KRT83: variants seen among roughly 807,000 people sequenced by gnomAD.
KRT83 encodes keratin 83.
KRT83 carries 51 observed loss-of-function variants against 52.9 expected under a neutral mutation model. That is an observed-to-expected ratio of 0.96 (90% CI 0.77 to 1.22). The LOEUF (loss-of-function observed/expected upper bound fraction) is 1.22. Ranked by LOEUF, KRT83 falls within the 50% of genes most tolerant of loss-of-function variation. KRT83 has a pLI of 0.00. For synonymous variants in KRT83, 278 were observed against 274.1 expected, an observed-to-expected ratio of 1.01 and a Z score of -0.14; for missense variants, 654 against 666.5, an observed-to-expected ratio of 0.98 and a Z score of 0.21.
rs776078933 is a variant in KRT83, at chr12:52,316,090, C to G, written c.1065G>C (p.Val355=). 8 of 1,613,602 alleles carry G rather than the reference C, an allele frequency of 5.0e-6. No homozygotes were observed. The highest frequency in any genetic ancestry group is 1.1e-5 in the South Asian group (1 of 91,026). ...KCQNSKLEAA[V]AQSEQQGEAA... is the part of the protein sequence containing the mutation. ...CCTCACCCTGCTGCTCAGACTGGGC[C>G]ACCGCAGCTTCCAGCTTGGAGTTCT... The change falls in exon 7 of 9, where the codon GTG becomes GTC. Residue 355 remains valine (V), a synonymous_variant. Transcript: ENST00000293670.
In KRT83 at chr12:52,314,635, T is replaced by C. The variant is rs571944353; in HGVS notation, c.1478A>G (p.His493Arg). ...CGGGSCGQGR[H>R] ...CCTGGCTCTCTTTTGGGCCACTTAATGCCTCCCCTGGCCGCAGGAGCCCCC... is the reference window on the plus strand; with the variant it reads ...CCTGGCTCTCTTTTGGGCCACTTAACGCCTCCCCTGGCCGCAGGAGCCCCC... The change falls in exon 9 of 9, where the codon CAT becomes CGT. Residue 493 changes from histidine (H) to arginine (R), a missense_variant. Physicochemically the swap from His to Arg is conservative, Grantham distance 29 (BLOSUM62 0). Coordinates refer to ENST00000293670, the MANE Select transcript of KRT83 (RefSeq NM_002282.3). The C allele has an allele frequency of 3.3e-5, 51 of 1,563,860 alleles. No homozygotes were observed. The African/African-American group carries it at 6.6e-4, about 20-fold the overall frequency.
rs765684589 is a variant in KRT83, at chr12:52,317,022, T to A, written c.752A>T (p.Glu251Val). ...GATGTGGGATTGGAGAATGCGGATC[T>A]CCTGCAGGAGGTGGGGAAAGGAAGG... ...IDFLRRLYEEEIRILQSHISD... is the reference protein window; with the variant it reads ...IDFLRRLYEEVIRILQSHISD... Residue 251 changes from glutamate to valine, a missense_variant and splice_region_variant, in exon 5 of 9, where the codon GAG becomes GTG. Coordinates refer to ENST00000293670, the MANE Select transcript of KRT83 (RefSeq NM_002282.3). 3 of 1,614,066 alleles carry A rather than the reference T, an allele frequency of 1.9e-6. No individual in the cohort carries two copies. Among genetic ancestry groups the A allele is most frequent in the Admixed American group, 1.7e-5 (1 of 60,000 alleles).
rs187922868 is a variant in KRT83, at chr12:52,315,714, T to A, written c.1262+179A>T. On this transcript the variant is annotated intron_variant, in intron 7 of 8. Coordinates refer to ENST00000293670, the MANE Select transcript of KRT83 (RefSeq NM_002282.3). ...AGCAACCCTGCCCTAGAATAGGTGA[T>A]GTCCAAGAAACCAGGCAGGGTATGG... Among the ~76,000 whole-genome samples, 19 of 152,304 alleles carry A rather than the reference T, an allele frequency of 1.2e-4. No homozygotes were observed. In the East Asian group the frequency reaches 3.3e-3, roughly 26 times the overall value.
rs746315687 is a variant in KRT83, at chr12:52,321,095, G to A, written c.241C>T (p.Pro81Ser). 2 of 1,612,314 alleles carry A rather than the reference G, an allele frequency of 1.2e-6. No individual in the cohort carries two copies. Among genetic ancestry groups the A allele is most frequent in the South Asian group, 1.1e-5 (1 of 91,008 alleles). Residue 81 changes from proline to serine, a missense_variant, in exon 1 of 9, where the codon CCA becomes TCA. Coordinates refer to ENST00000293670, the MANE Select transcript of KRT83 (RefSeq NM_002282.3). ...TTGACCGACACGGTGGTGATGCATGGGGGGCTGGGTCCGCACACGCCCCCG... is the reference window on the plus strand; with the variant it reads ...TTGACCGACACGGTGGTGATGCATGAGGGGCTGGGTCCGCACACGCCCCCG... ...RSGGVCGPSP[P>S]CITTVSVNES...
At position 52,318,325 on chromosome 12, in the gene KRT83, A is replaced by G. The variant is rs111513438; in HGVS notation, c.594-355T>C. Among the ~76,000 whole-genome samples the G allele has an allele frequency of 4.8e-3, 737 of 152,004 alleles. 5 individuals are homozygous for G. The highest frequency in any genetic ancestry group is 0.016 in the African/African-American group (680 of 41,444). On this transcript the variant is annotated intron_variant, in intron 2 of 8. Transcript: ENST00000293670. The stretch of plus-strand genomic sequence containing the variant: ...CGAGTAGCTGGGACTACAGGTGCCC[A>G]CCACCACGCCTGGCTAATTCACTCC...
intron 2 of KRT83, among the ~76,000 whole-genome samples, chr12:52,318,628 C>G (rs1592447938): frequency 6.6e-6 from 1 of 152,150 alleles, no homozygotes; most frequent in South Asian, 2.1e-4. Context: ...CTGGCCACCC[C>G]TCAAAAGCAG....
chr12:52,317,754 C>A lies in KRT83; in HGVS notation c.677G>T (p.Arg226Leu), dbSNP rs373044241. The change falls in exon 4 of 9, where the codon CGC becomes CTC. Residue 226 changes from arginine (R) to leucine (L), a missense_variant. Coordinates refer to ENST00000293670, the MANE Select transcript of KRT83 (RefSeq NM_002282.3). ...LKKDVDCAYLRKSDLEANVEA... is the reference protein window; with the variant it reads ...LKKDVDCAYLLKSDLEANVEA... The stretch of plus-strand genomic sequence containing the variant: ...CACGTTGGCCTCCAGGTCTGACTTG[C>A]GGAGGTAGGCGCAGTCCACATCCTG... The A allele has an allele frequency of 6.2e-7, 1 of 1,613,600 alleles. No homozygotes were observed. The highest frequency in any genetic ancestry group is 1.3e-5 in the African/African-American group (1 of 74,878).
At position 52,314,766 on chromosome 12, in the gene KRT83, G is replaced by A; in HGVS notation, c.1347C>T (p.Gly449=). 1.2e-6 allele frequency: 2 copies of A among 1,604,536 alleles called. No individual in the cohort carries two copies. The highest frequency in any genetic ancestry group is 1.7e-6 in the Non-Finnish European group (2 of 1,176,338). The change falls in exon 9 of 9, where the codon GGC becomes GGT. Residue 449 remains glycine, a synonymous_variant. Transcript: ENST00000293670. ...GVVCGDLCVS[G]SRPVTGSVCS... ...AGACGCTGCCCGTCACCGGCCGGGA[G>A]CCCGACACGCAGAGATCCCCGCACA...
Position 52,319,302 on chromosome 12 carries a change from G to C in KRT83, c.447C>G (p.Arg149=). The change falls in exon 2 of 9, where the codon CGC becomes CGG. Residue 149 remains arginine (R), a synonymous_variant. Transcript: ENST00000293670. The part of the protein sequence containing the change: ...LETKLQFYQN[R]ECCQSNLEPL... ...GCTCCAGGTTACTCTGGCAGCACTC[G>C]CGGTTTTGGTAGAACTGCAGCTTTG... The C allele has an allele frequency of 6.2e-7, 1 of 1,614,010 alleles. No homozygotes were observed. Among genetic ancestry groups the C allele is most frequent in the Non-Finnish European group, 8.5e-7 (1 of 1,179,864 alleles).
chr12:52,316,353 T>C, intron 6 of KRT83, 115 bp downstream of exon 6: 1 of 1,467,316 alleles, frequency 6.8e-7, no homozygotes, highest in Non-Finnish European at 9.5e-7. Context: ...CTCATCTTAC[T>C]CTGTCACCCA....
At position 52,319,149 on chromosome 12, in the gene KRT83, C is replaced by T. The variant is rs1938732720; in HGVS notation, c.593+7G>A. 1 of 1,613,042 alleles carries T rather than the reference C, an allele frequency of 6.2e-7. No individual in the cohort carries two copies. Among genetic ancestry groups the T allele is most frequent in the Non-Finnish European group, 8.5e-7 (1 of 1,179,850 alleles). ...CTGTGCCCAGAACCCCTCCTGCCCA[C>T]ACTCACTTCTTCTTGTAGCCCTCCA... On this transcript the variant is annotated splice_region_variant and intron_variant, in intron 2 of 8. Coordinates refer to ENST00000293670, the MANE Select transcript of KRT83 (RefSeq NM_002282.3).
chr12:52,316,245 C>G (rs1479889460), intron 6 of KRT83, 132 bp from the exon 7 acceptor site: 2 of 1,130,398 alleles, frequency 1.8e-6, no homozygotes, highest in Non-Finnish European at 2.5e-6. Context: ...AACCTTCCTT[C>G]CCTCCTCACT....
intron 7 of KRT83, 126 bp from the exon 8 acceptor site, chr12:52,315,469 G>C: frequency 9.4e-7 from 1 of 1,061,152 alleles, no homozygotes; most frequent in Non-Finnish European, 1.5e-6. Context: ...CCCTTGTGCA[G>C]CTTAGAAAAA....
chr12:52,317,732 G>A lies in KRT83; in HGVS notation c.699C>T (p.Asn233=), dbSNP rs186866078. 2.7e-4 allele frequency: 429 copies of A among 1,613,510 alleles called. 3 individuals carry two copies. In the East Asian group the frequency reaches 7.4e-3, roughly 28 times the overall value. ...CAATCTCCTGGATCAGGGCCTCCAC[G>A]TTGGCCTCCAGGTCTGACTTGCGGA... The part of the protein sequence containing the change: ...AYLRKSDLEA[N]VEALIQEIDF... Residue 233 remains asparagine (N), a synonymous_variant, in exon 4 of 9, where the codon AAC becomes AAT. Transcript: ENST00000293670.
At chr12:52,315,409 C>T (rs1392354289) in intron 7 of KRT83, 66 bp from the exon 8 acceptor site, 21 of 1,514,922 alleles carry the variant, frequency 1.4e-5, no homozygotes, top group Non-Finnish European at 1.9e-5. Flanking sequence ...CGAATTTCCG[C>T]TAGGTGCTGA....
chr12:52,316,357 T>C (rs1938686997), intron 6 of KRT83, 111 bp downstream of exon 6: 1 of 1,482,030 alleles, frequency 6.7e-7, no homozygotes, highest in African/African-American at 1.4e-5. Context: ...TCTTACTCTG[T>C]CACCCATGAG....
Position 52,316,853 on chromosome 12 carries a change from G to T in KRT83, c.915+6C>A. ...GTCTAGCAGGCAGGTGTCCTGTGCC[G>T]CTCACCTTGCTGCGATACCAGGACT... On this transcript the variant is annotated splice_donor_region_variant and intron_variant, in intron 5 of 8. Transcript: ENST00000293670. The T allele has an allele frequency of 6.2e-7, 1 of 1,614,026 alleles. No homozygotes were observed. Among genetic ancestry groups the T allele is most frequent in the Non-Finnish European group, 8.5e-7 (1 of 1,180,016 alleles).
At chr12:52,316,161 T>G (rs1244957782) in intron 6 of KRT83, 48 bp from the exon 7 acceptor site, 1 of 1,605,258 alleles carries the variant, frequency 6.2e-7, no homozygotes, top group East Asian at 2.2e-5. Flanking sequence ...GTTTAGTTTC[T>G]TGAAATCCCA....
rs752938418 is a variant in KRT83 at position 52,314,656 on chromosome 12, C to T, written c.1457G>A (p.Gly486Asp). The T allele has an allele frequency of 6.4e-7, 1 of 1,574,414 alleles. No homozygotes were observed. Among genetic ancestry groups the T allele is most frequent in the Admixed American group, 1.8e-5 (1 of 54,272 alleles). ...TTAATGCCTCCCCTGGCCGCAGGAG[C>T]CCCCTCCACAGGTGGTGTTCAGCTG... is the stretch of plus-strand genomic sequence containing the variant. ...CGQLNTTCGG[G>D]SCGQGRH Residue 486 changes from glycine to aspartate, a missense_variant, in exon 9 of 9, where the codon GGC (glycine) becomes GAC (aspartate). Transcript: ENST00000293670.
Sources: gnomAD v4.1 joint callset for allele counts (sites outside exome capture counted in the v4.1 genomes callset) on GRCh38, gnomAD v4.1.1 for gene constraint, MANE v1.5 for transcripts, NCBI Gene and HGNC (gene_info 2026-07-23, HGNC 2026-07-21) for gene names.